Variants in ARHGAP21 observed in about 807,000 individuals in gnomAD.
The protein encoded by ARHGAP21 is Rho GTPase activating protein 21, also known as rho GTPase-activating protein 21.
In ARHGAP21, 38 loss-of-function variants were observed where a neutral mutation model predicts 164.6. The ratio of observed to expected loss-of-function variants is 0.23; its 90% CI spans 0.18 to 0.30. The LOEUF (loss-of-function observed/expected upper bound fraction) is 0.30, where lower values mean the gene tolerates loss of function less well. ARHGAP21 is among the 10% of genes least tolerant of loss of function. ARHGAP21 has a pLI of 1.00. For synonymous variants in ARHGAP21, 766 were observed against 857.9 expected (o/e 0.89, Z 1.87); for missense variants, 1,822 against 2,370.7 (o/e 0.77, Z 4.81).
rs1435159859 is a variant in ARHGAP21 at position 24,584,870 on chromosome 10, G to A, written c.5419C>T (p.His1807Tyr). ...ACGCTGATTTCGGTAGCATCTCTGT[G>A]CCCTCCTAGTGTATGTCTGCGCCGG... is the stretch of plus-strand genomic sequence containing the variant. ...SIRRRHTLGG[H>Y]RDATEISVLN... The change falls in exon 26 of 26, where the codon CAC becomes TAC. Residue 1807 changes from histidine to tyrosine, a missense_variant. His to Tyr is a moderately conservative substitution (Grantham distance 83). Transcript: ENST00000396432. 3 of 1,613,904 alleles carry A rather than the reference G, an allele frequency of 1.9e-6. No individual in the cohort carries two copies. The highest frequency in any genetic ancestry group is 1.1e-5 in the South Asian group (1 of 91,074).
At chr10:24,701,689 A>G (rs1217828655) in intron 2 of ARHGAP21, among the ~76,000 whole-genome samples, 1 of 152,212 alleles carries the variant, frequency 6.6e-6, no homozygotes, top group Non-Finnish European at 1.5e-5. Context: ...TACTGGAGAT[A>G]ATGAAAGAAG....
intron 4 of ARHGAP21, among the ~76,000 whole-genome samples, chr10:24,664,532 T>C (rs1234077537): frequency 6.7e-6 from 1 of 149,158 alleles, no homozygotes; most frequent in Non-Finnish European, 1.5e-5. Flanking sequence ...CTTCAGCCTG[T>C]CAACAGAGTG....
At chr10:24,690,965 A>G (rs1406328353) in intron 2 of ARHGAP21, among the ~76,000 whole-genome samples, 1 of 152,086 alleles carries the variant, frequency 6.6e-6, no homozygotes, top group East Asian at 1.9e-4. Flanking sequence ...ATTAAATTAG[A>G]AAAGTACATG....
chr10:24,593,728 C>T (rs1022012274), intron 21 of ARHGAP21, among the ~76,000 whole-genome samples: 1 of 152,158 alleles, frequency 6.6e-6, no homozygotes, highest in African/African-American at 2.4e-5. Flanking sequence ...GTACTCCTAA[C>T]ATTCAGCAAA....
At chr10:24,609,945 T>C (rs2077182775) in intron 9 of ARHGAP21, among the ~76,000 whole-genome samples, 1 of 152,230 alleles carries the variant, frequency 6.6e-6, no homozygotes, top group African/African-American at 2.4e-5. Context: ...ATCAATCATC[T>C]TTATCCTAGG....
intron 8 of ARHGAP21, among the ~76,000 whole-genome samples, chr10:24,621,929 ATATT>A (rs1834581394): frequency 6.6e-6 from 1 of 152,216 alleles, no homozygotes; most frequent in South Asian, 2.1e-4. Context: ...AAGTATTTTA[ATATT>A]TAAAGTAAGA....
intron 16 of ARHGAP21, among the ~76,000 whole-genome samples, chr10:24,597,219 T>G (rs2076624273): frequency 6.6e-6 from 1 of 152,234 alleles, no homozygotes; most frequent in Non-Finnish European, 1.5e-5. Flanking sequence ...GTAATGTCTC[T>G]GATTTAAGTA....
At chr10:24,660,856 A>AT (rs1839613548) in intron 4 of ARHGAP21, among the ~76,000 whole-genome samples, 1 of 152,180 alleles carries the variant, frequency 6.6e-6, no homozygotes, top group South Asian at 2.1e-4. Context: ...CAAAATTGAC[A>AT]TATGTAGCGG....
At chr10:24,713,512 T>C (rs1477710757) in intron 2 of ARHGAP21, among the ~76,000 whole-genome samples, 2 of 152,188 alleles carry the variant, frequency 1.3e-5, no homozygotes, top group African/African-American at 2.4e-5. Flanking sequence ...TAGTCAGAAA[T>C]ATCAAATTTG....
chr10:24,690,354 T>C (rs1842654738), intron 2 of ARHGAP21, among the ~76,000 whole-genome samples: 1 of 152,218 alleles, frequency 6.6e-6, no homozygotes, highest in Non-Finnish European at 1.5e-5. Flanking sequence ...CCAAATCCAC[T>C]GACAGCATGA....
In ARHGAP21 at chr10:24,585,367, A is replaced by C. The variant is rs1291904059; in HGVS notation, c.4922T>G (p.Phe1641Cys). 1 of 1,613,756 alleles carries C rather than the reference A, an allele frequency of 6.2e-7. No homozygotes were observed. The highest frequency in any genetic ancestry group is 1.1e-5 in the South Asian group (1 of 91,062). The change falls in exon 26 of 26, where the codon TTT (phenylalanine) becomes TGT (cysteine). Residue 1641 changes from phenylalanine to cysteine, a missense_variant. Phe to Cys is a radical substitution (Grantham distance 205). Transcript: ENST00000396432. ...AGTCAAGGCTGTGGGGAACACGGGA[A>C]ACTCGCTCTCGCTGTCGGTTTCCAC... ...RPVETDSESE[F>C]PVFPTALTSE...
chr10:24,590,260 CTT>C, intron 24 of ARHGAP21: 1 of 1,491,250 alleles, frequency 6.7e-7, no homozygotes. Context: ...AGCAGAAAAA[CTT>C]TTAAGAAAGT....
At chr10:24,614,093 ACTAAT>A (rs1488912398) in intron 9 of ARHGAP21, among the ~76,000 whole-genome samples, 1 of 152,240 alleles carries the variant, frequency 6.6e-6, no homozygotes, top group East Asian at 1.9e-4. Context: ...CACCAATTTC[ACTAAT>A]CTATCTTGAA....
At chr10:24,648,743 C>G (rs947491272) in intron 4 of ARHGAP21, 1 of 921,256 alleles carries the variant, frequency 1.1e-6, no homozygotes, top group Non-Finnish European at 1.3e-6. Flanking sequence ...GGTGCCATCG[C>G]ACTCCAGCCT....
chr10:24,670,366 C>T lies in ARHGAP21; in HGVS notation c.95G>A (p.Ser32Asn). 1 of 1,596,064 alleles carries T rather than the reference C, an allele frequency of 6.3e-7. No homozygotes were observed. The highest frequency in any genetic ancestry group is 2.2e-5 in the East Asian group (1 of 44,470). The change falls in exon 3 of 26, where the codon AGT becomes AAT. Residue 32 changes from serine to asparagine, a missense_variant. By Grantham distance (46) the Ser-to-Asn change is conservative. Coordinates refer to ENST00000396432, the MANE Select transcript of ARHGAP21 (RefSeq NM_020824.4). ...VSKNKDGKEQ[S>N]ETVSLSEDET... is the part of the protein sequence containing the mutation. ...ATCTTCAGACAGTGATACAGTTTCA[C>T]TTTGTTCTTTTCCATCTTTATTTTT...
intron 5 of ARHGAP21, among the ~76,000 whole-genome samples, chr10:24,633,734 T>G (rs1053942524): frequency 2.0e-5 from 3 of 152,108 alleles, no homozygotes; most frequent in African/African-American, 7.2e-5. Context: ...ACTAGCCATG[T>G]TCTAAGTAAG....
At chr10:24,661,613 T>G (rs1274135952) in intron 4 of ARHGAP21, among the ~76,000 whole-genome samples, 2 of 152,220 alleles carry the variant, frequency 1.3e-5, no homozygotes, top group Non-Finnish European at 2.9e-5. Flanking sequence ...GATTCTAGGC[T>G]TTGACTCTGA....
Position 24,592,018 on chromosome 10 carries a change from A to C in ARHGAP21, c.3877-6T>G. On this transcript the variant is annotated splice_polypyrimidine_tract_variant and splice_region_variant and intron_variant, in intron 21 of 25. Transcript: ENST00000396432. ...GCTAGGTTTCTTGGTTCCATCTGAA[A>C]GAAAGGATGATACTGGGAAATACCA... The C allele has an allele frequency of 6.3e-7, 1 of 1,588,594 alleles. No homozygotes were observed. Among genetic ancestry groups the C allele is most frequent in the Non-Finnish European group, 8.6e-7 (1 of 1,168,560 alleles).
chr10:24,689,550 G>A (rs1378945202), intron 2 of ARHGAP21, among the ~76,000 whole-genome samples: 2 of 151,902 alleles, frequency 1.3e-5, no homozygotes, highest in East Asian at 3.9e-4. Context: ...GACCAGCCTG[G>A]GCAATATGGC....
Sources: allele counts gnomAD v4.1 joint callset (sites outside exome capture counted in the v4.1 genomes callset), GRCh38; gene constraint gnomAD v4.1.1; transcripts MANE v1.5; gene names NCBI Gene and HGNC (gene_info 2026-07-23, HGNC 2026-07-21).